Variants in GPC6 observed in about 807,000 individuals in gnomAD.
The protein encoded by GPC6 is glypican 6.
A neutral mutation model predicts 55.2 loss-of-function variants in GPC6; 14 were observed. The ratio of observed to expected loss-of-function variants is 0.25; its 90% CI spans 0.17 to 0.40. GPC6 has a LOEUF of 0.40. Ranked by LOEUF, GPC6 falls within the 10% of genes least tolerant of loss-of-function variation. The probability of loss-of-function intolerance (pLI) is 1.00; values close to 1 mark genes in which losing one functional copy is unlikely to be tolerated. For missense variants in GPC6, 641 were observed against 708.5 expected (o/e 0.90, Z 1.08); for synonymous variants, 278 against 259.6 (o/e 1.07, Z -0.68).
intron 1 of GPC6, among the ~76,000 whole-genome samples, chr13:93,305,245 T>A (rs1878817653): frequency 6.6e-6 from 1 of 151,414 alleles, no homozygotes; most frequent in Non-Finnish European, 1.5e-5. Context: ...CAGGCAGTCG[T>A]TTTTTTTGTG....
intron 6 of GPC6, among the ~76,000 whole-genome samples, chr13:94,356,291 C>T (rs1878793316): frequency 6.6e-6 from 1 of 152,140 alleles, no homozygotes. Flanking sequence ...GATTTATATT[C>T]CTTTGGGTGT....
At chr13:93,581,083 A>G (rs1293304386) in intron 2 of GPC6, among the ~76,000 whole-genome samples, 1 of 152,210 alleles carries the variant, frequency 6.6e-6, no homozygotes, top group African/African-American at 2.4e-5. Context: ...CGCTTTTTAA[A>G]GTTTTCACTT....
chr13:93,536,373 G>A (rs966243085), intron 1 of GPC6, among the ~76,000 whole-genome samples: 4 of 151,882 alleles, frequency 2.6e-5, no homozygotes, highest in East Asian at 1.9e-4. Context: ...TTCTATAATC[G>A]TTTAACAGTA....
chr13:93,848,111 T>C (rs1196409139), intron 3 of GPC6, among the ~76,000 whole-genome samples: 1 of 152,152 alleles, frequency 6.6e-6, no homozygotes, highest in African/African-American at 2.4e-5. Flanking sequence ...AGTCATTTTC[T>C]CTCTACTTTT....
intron 3 of GPC6, among the ~76,000 whole-genome samples, chr13:93,952,456 G>A (rs1879293968): frequency 6.6e-6 from 1 of 151,944 alleles, no homozygotes; most frequent in East Asian, 1.9e-4. Flanking sequence ...TTCCTTATAT[G>A]AACATGGAAC....
intron 4 of GPC6, among the ~76,000 whole-genome samples, chr13:94,245,020 C>A (rs1891156605): frequency 6.6e-6 from 1 of 151,902 alleles, no homozygotes; most frequent in South Asian, 2.1e-4. Context: ...CCCTGCCTAC[C>A]CCATGGTGTG....
At position 94,382,564 on chromosome 13, in the gene GPC6, G is replaced by A. The variant is rs775197869; in HGVS notation, c.1289+14G>A. 42 of 1,613,828 alleles carry A rather than the reference G, an allele frequency of 2.6e-5. No individual in the cohort carries two copies. Among genetic ancestry groups the A allele is most frequent in the Middle Eastern group, 3.3e-4 (2 of 5,976 alleles). On this transcript the variant is annotated intron_variant, in intron 7 of 8. Coordinates refer to ENST00000377047, the MANE Select transcript of GPC6 (RefSeq NM_005708.5). ...CAGCAAAGCCAGGTGAGGGTGACTCGATGTGTGCATGGATGGGGGCACAGC... is the reference window on the plus strand; with the variant it reads ...CAGCAAAGCCAGGTGAGGGTGACTCAATGTGTGCATGGATGGGGGCACAGC...
At chr13:94,119,944 T>C (rs933414583) in intron 4 of GPC6, among the ~76,000 whole-genome samples, 4 of 152,092 alleles carry the variant, frequency 2.6e-5, no homozygotes, top group Non-Finnish European at 5.9e-5. Context: ...TCATATAGTA[T>C]TTCTTACATA....
chr13:93,623,436 T>C (rs1437965022), intron 2 of GPC6, among the ~76,000 whole-genome samples: 1 of 54,700 alleles, frequency 1.8e-5, no homozygotes, highest in East Asian at 2.3e-4. Context: ...ACAATGGTTG[T>C]TTTCTTTTCT....
intron 3 of GPC6, among the ~76,000 whole-genome samples, chr13:93,860,349 G>A (rs1385724759): frequency 6.6e-6 from 1 of 151,488 alleles, no homozygotes; most frequent in African/African-American, 2.4e-5. Flanking sequence ...ATACTTTCAT[G>A]CATTTTTTTA....
intron 2 of GPC6, among the ~76,000 whole-genome samples, chr13:93,784,479 A>G (rs978811096): frequency 5.9e-5 from 9 of 152,158 alleles, no homozygotes; most frequent in African/African-American, 2.2e-4. Context: ...CTTCCTCAAA[A>G]ACATGGATTT....
At position 94,305,159 on chromosome 13, in the gene GPC6, T is replaced by C. The variant is rs952531978; in HGVS notation, c.1009-821T>C. The stretch of plus-strand genomic sequence containing the variant: ...TTTTAGTACAGTTGATTCTCTTTAT[T>C]GTAGTTATGTTCTATAAAGTCACTG... On this transcript the variant is annotated intron_variant, in intron 5 of 8. Coordinates refer to ENST00000377047, the MANE Select transcript of GPC6 (RefSeq NM_005708.5). 2.4e-4 allele frequency among the ~76,000 whole-genome samples: 37 copies of C among 152,204 alleles called. 1 individual carries two copies. Among genetic ancestry groups the C allele is most frequent in the African/African-American group, 8.2e-4 (34 of 41,450 alleles).
At chr13:93,565,957 A>C (rs1022017241) in intron 2 of GPC6, among the ~76,000 whole-genome samples, 9 of 151,928 alleles carry the variant, frequency 5.9e-5, no homozygotes, top group African/African-American at 1.9e-4. Context: ...GAAAAAAAAA[A>C]CACATCTGGT....
chr13:93,321,214 A>C (rs1720399349), intron 1 of GPC6, among the ~76,000 whole-genome samples: 1 of 152,104 alleles, frequency 6.6e-6, no homozygotes, highest in Non-Finnish European at 1.5e-5. Context: ...ATCTTTAAGG[A>C]TTGTGTTTTG....
At chr13:93,970,688 C>T (rs1395097473) in intron 3 of GPC6, among the ~76,000 whole-genome samples, 1 of 152,180 alleles carries the variant, frequency 6.6e-6, no homozygotes, top group East Asian at 1.9e-4. Context: ...ATTGCAAAAG[C>T]TCCTTAAATG....
At chr13:94,346,121 T>A (rs144229198) in intron 6 of GPC6, among the ~76,000 whole-genome samples, 6 of 152,334 alleles carry the variant, frequency 3.9e-5, no homozygotes, top group African/African-American at 1.4e-4. Flanking sequence ...ACCAGTCATA[T>A]TGGGTTAAGA....
intron 4 of GPC6, among the ~76,000 whole-genome samples, chr13:94,234,657 A>G (rs1225447923): frequency 6.6e-6 from 1 of 152,070 alleles, no homozygotes; most frequent in African/African-American, 2.4e-5. Context: ...TGAACTATGG[A>G]ATAAAAATTC....
intron 2 of GPC6, among the ~76,000 whole-genome samples, chr13:93,576,776 A>G (rs949251957): frequency 6.6e-6 from 1 of 152,194 alleles, no homozygotes; most frequent in Admixed American, 6.5e-5. Flanking sequence ...ATATAATTTC[A>G]TATAATTTCC....
At chr13:93,770,026 C>T (rs1378794535) in intron 2 of GPC6, among the ~76,000 whole-genome samples, 1 of 152,082 alleles carries the variant, frequency 6.6e-6, no homozygotes, top group East Asian at 1.9e-4. Context: ...TGTGCTAAAG[C>T]CTGAATACTT....
Sources: gnomAD v4.1 joint callset for allele counts (sites outside exome capture counted in the v4.1 genomes callset) on GRCh38, gnomAD v4.1.1 for gene constraint, MANE v1.5 for transcripts, NCBI Gene and HGNC (gene_info 2026-07-23, HGNC 2026-07-21) for gene names.